The following ZBBX variants were observed in gnomAD, a reference collection of about 807,000 sequenced individuals.
ZBBX encodes the protein zinc finger B-box domain-containing protein 1.
Under a neutral mutation model 108.5 loss-of-function variants are expected in ZBBX, and 101 were observed. The ratio of observed to expected loss-of-function variants is 0.93; its 90% CI spans 0.79 to 1.10. The LOEUF (loss-of-function observed/expected upper bound fraction) is 1.10. Ranked by LOEUF, ZBBX falls within the 50% of genes least tolerant of loss-of-function variation. ZBBX has a pLI of 0.00. For missense variants in ZBBX, 1,009 were observed against 941.4 expected (o/e 1.07, Z -0.94); for synonymous variants, 356 against 323.4 (o/e 1.10, Z -1.08).
chr3:167,297,420 A>T (rs1380889871), intron 18 of ZBBX, among the ~76,000 whole-genome samples: 2 of 152,056 alleles, frequency 1.3e-5, no homozygotes, highest in East Asian at 3.8e-4. Context: ...GTAAAACCTA[A>T]AACTACAAAT....
In ZBBX at chr3:167,305,241, A is replaced by G. The variant is rs192110674; in HGVS notation, c.1725+402T>C. Among the ~76,000 whole-genome samples, 475 of 152,284 alleles carry G rather than the reference A, an allele frequency of 3.1e-3. 1 individual carries two copies. The highest frequency in any genetic ancestry group is 4.9e-3 in the Non-Finnish European group (333 of 67,982). On this transcript the variant is annotated intron_variant, in intron 17 of 21. Coordinates refer to ENST00000675490, the MANE Select transcript of ZBBX (RefSeq NM_001199201.2). Reference sequence around the variant, plus strand: ...TCTTATACTTACATTAAACCACAGTAACTGGTTCTGTCTAGATATCTGCAT... The same window carrying G: ...TCTTATACTTACATTAAACCACAGTGACTGGTTCTGTCTAGATATCTGCAT...
chr3:167,386,724 G>C (rs2108635045), intron 1 of ZBBX, among the ~76,000 whole-genome samples: 1 of 152,002 alleles, frequency 6.6e-6, no homozygotes, highest in East Asian at 1.9e-4. Context: ...GCATTTCAGA[G>C]AAAAAGTCAT....
intron 9 of ZBBX, among the ~76,000 whole-genome samples, chr3:167,346,866 T>C (rs1741553603): frequency 6.6e-6 from 1 of 150,594 alleles, no homozygotes; most frequent in South Asian, 2.1e-4. Flanking sequence ...AAAAAAGAAG[T>C]GAAAGGTTAA....
At chr3:167,321,816 T>C (rs1356962534) in intron 12 of ZBBX, among the ~76,000 whole-genome samples, 1 of 152,038 alleles carries the variant, frequency 6.6e-6, no homozygotes, top group Non-Finnish European at 1.5e-5. Context: ...CTCAAAGTAA[T>C]ATTTCATTTA....
chr3:167,223,962 A>G, the ZBBX span, among the ~76,000 whole-genome samples: 1 of 151,936 alleles, frequency 6.6e-6, no homozygotes, highest in Admixed American at 6.6e-5. Context: ...GATGAGAGTG[A>G]AATGACTGGA....
At chr3:167,352,390 G>T (rs1044254237) in intron 8 of ZBBX, among the ~76,000 whole-genome samples, 5 of 151,914 alleles carry the variant, frequency 3.3e-5, no homozygotes, top group African/African-American at 1.2e-4. Context: ...TATAGAAAAT[G>T]AATAAATTCC....
chr3:167,378,703 G>C (rs1357492993), intron 2 of ZBBX, among the ~76,000 whole-genome samples: 1 of 152,130 alleles, frequency 6.6e-6, no homozygotes, highest in Non-Finnish European at 1.5e-5. Context: ...AGAAGAAAAT[G>C]GAGCATCAAG....
rs1728364658 is a variant in ZBBX, at chr3:167,279,528, T to C, written c.2254+2710A>G. On this transcript the variant is annotated intron_variant, in intron 20 of 21. Coordinates refer to ENST00000675490, the MANE Select transcript of ZBBX (RefSeq NM_001199201.2). ...TCAAAGAGAATAAAATACCTAGGAA[T>C]CAAACTTACAAGGGATGTGAAGGAC... 3.4e-5 allele frequency among the ~76,000 whole-genome samples: 5 copies of C among 148,912 alleles called. 1 individual carries two copies. The highest frequency in any genetic ancestry group is 1.3e-4 in the Admixed American group (2 of 14,996).
At chr3:167,237,593 C>T (rs1046384521), downstream of ZBBX, among the ~76,000 whole-genome samples, 2 of 151,818 alleles carry the variant, frequency 1.3e-5, no homozygotes, top group East Asian at 3.9e-4. Context: ...CTGCTTCAGG[C>T]AAAGGCTCTA....
chr3:167,274,586 C>A (rs534866750), intron 20 of ZBBX, among the ~76,000 whole-genome samples: 1 of 152,166 alleles, frequency 6.6e-6, no homozygotes, highest in Non-Finnish European at 1.5e-5. Context: ...ACCCTTTGTT[C>A]TCCAACTTAA....
chr3:167,396,775 T>A (rs1324515817), intron 1 of ZBBX, among the ~76,000 whole-genome samples: 1 of 151,980 alleles, frequency 6.6e-6, no homozygotes, highest in Non-Finnish European at 1.5e-5. Flanking sequence ...CTTGCCCTTT[T>A]CTTCCTGAGA....
At chr3:167,213,098 C>T in the ZBBX span, among the ~76,000 whole-genome samples, 2 of 152,148 alleles carry the variant, frequency 1.3e-5, no homozygotes, top group African/African-American at 4.8e-5. Context: ...GAGAAAGAAC[C>T]AATGCAAGAA....
At chr3:167,345,486 T>C (rs1330919116) in intron 9 of ZBBX, among the ~76,000 whole-genome samples, 1 of 151,888 alleles carries the variant, frequency 6.6e-6, no homozygotes, top group Non-Finnish European at 1.5e-5. Context: ...CATTAATACT[T>C]ACAAATAGAA....
intron 20 of ZBBX, 23 bp downstream of exon 20, chr3:167,282,215 A>C (rs775016744): frequency 3.8e-6 from 6 of 1,591,990 alleles, no homozygotes; most frequent in Non-Finnish European, 5.1e-6. Flanking sequence ...CATTATCTAA[A>C]GTGAAAAAAA....
At chr3:167,333,758 A>T in intron 10 of ZBBX, 69 bp downstream of exon 10, 1 of 1,307,842 alleles carries the variant, frequency 7.6e-7, no homozygotes, top group Non-Finnish European at 1.0e-6. Flanking sequence ...AGCTCAAGTT[A>T]AGTACATGAA....
chr3:167,276,658 G>A (rs569784293), intron 20 of ZBBX, among the ~76,000 whole-genome samples: 2 of 152,320 alleles, frequency 1.3e-5, no homozygotes, highest in South Asian at 4.1e-4. Flanking sequence ...GAACCAAGTT[G>A]GAAAACACCC....
chr3:167,277,228 A>C (rs1194810072), intron 20 of ZBBX, among the ~76,000 whole-genome samples: 4 of 152,178 alleles, frequency 2.6e-5, no homozygotes, highest in African/African-American at 9.7e-5. Flanking sequence ...TGACAGGAAC[A>C]AATTCACACA....
rs76019250 is a variant in ZBBX, at chr3:167,266,324, T to C, written c.2254+15914A>G. Among the ~76,000 whole-genome samples the C allele has an allele frequency of 6.6e-4, 101 of 152,366 alleles. No individual in the cohort carries two copies. In the East Asian group the frequency reaches 0.016, roughly 24 times the overall value. ...GTTTGTAAGATACAATGAATCTTTG[T>C]GAGTCTCTCTTCAAAAGGTTTAGCC... On this transcript the variant is annotated intron_variant, in intron 20 of 21. Coordinates refer to ENST00000675490, the MANE Select transcript of ZBBX (RefSeq NM_001199201.2).
the ZBBX span, among the ~76,000 whole-genome samples, chr3:167,200,668 G>T: frequency 6.6e-6 from 1 of 152,184 alleles, no homozygotes; most frequent in African/African-American, 2.4e-5. Context: ...ATGAGAATAT[G>T]TGTGAATAAT....
Sources: gnomAD v4.1 joint callset for allele counts (sites outside exome capture counted in the v4.1 genomes callset) on GRCh38, gnomAD v4.1.1 for gene constraint, MANE v1.5 for transcripts, NCBI Gene and HGNC (gene_info 2026-07-23, HGNC 2026-07-21) for gene names.